The following KIRREL2 variants were observed in gnomAD, a reference collection of about 807,000 sequenced individuals.
KIRREL2 encodes the protein kin of IRRE-like protein 2.
A neutral mutation model predicts 73.4 loss-of-function variants in KIRREL2; 56 were observed. The ratio of observed to expected loss-of-function variants is 0.76; its 90% confidence interval spans 0.62 to 0.95. The LOEUF (loss-of-function observed/expected upper bound fraction) is 0.95. KIRREL2 is among the 40% of genes least tolerant of loss of function. The pLI, the probability that KIRREL2 is intolerant of heterozygous loss-of-function variation, is 0.00. For synonymous variants in KIRREL2, 407 were observed against 404.0 expected (o/e 1.01, Z -0.09); for missense variants, 896 against 935.0 (o/e 0.96, Z 0.54).
upstream of KIRREL2, among the ~76,000 whole-genome samples, chr19:35,855,708 T>C (rs11667188): frequency 0.1 from 5,119 of 48,832 alleles, 309 homozygotes; most frequent in East Asian, 0.25. Flanking sequence ...CACACACACA[T>C]ACACACAGGA....
chr19:35,861,463 C>T (rs963286998), intron 9 of KIRREL2, 78 bp from the exon 10 acceptor site: 1 of 1,509,958 alleles, frequency 6.6e-7, no homozygotes, highest in Non-Finnish European at 9.1e-7. Context: ...GGAGAGTGCG[C>T]TGGACAGACC....
intron 4 of KIRREL2, 34 bp downstream of exon 4, chr19:35,858,898 A>T: frequency 1.2e-6 from 2 of 1,610,676 alleles, no homozygotes; most frequent in Non-Finnish European, 1.7e-6. Context: ...GCCTTTGCCC[A>T]TTGAGGGAAA....
In KIRREL2 at chr19:35,862,440, C is replaced by G. The variant is rs534667581; in HGVS notation, c.1511-53C>G. On this transcript the variant is annotated intron_variant, in intron 11 of 14. Transcript: ENST00000360202. ...ATCCCAAACTCAATCCCTGAGCCCCCGCTTCCTGGTTCCCCCTCAGCCTTC... is the reference window on the plus strand; with the variant it reads ...ATCCCAAACTCAATCCCTGAGCCCCGGCTTCCTGGTTCCCCCTCAGCCTTC... 4 of 1,347,336 alleles carry G rather than the reference C, an allele frequency of 3.0e-6. No individual in the cohort carries two copies. In the East Asian group the frequency reaches 9.2e-5, roughly 31 times the overall value. 83.5% of individuals were successfully genotyped at this position (1,347,336 alleles called of 1,614,324 possible).
At chr19:35,852,051 C>A (rs1037095656), upstream of KIRREL2, among the ~76,000 whole-genome samples, 6 of 151,550 alleles carry the variant, frequency 4.0e-5, no homozygotes, top group Non-Finnish European at 8.8e-5. Flanking sequence ...GAGTCTCTTT[C>A]TCTGTCTCTT....
At chr19:35,862,223 C>G (rs1290277382) in intron 11 of KIRREL2, among the ~76,000 whole-genome samples, 199 bp downstream of exon 11, 1 of 152,186 alleles carries the variant, frequency 6.6e-6, no homozygotes, top group Non-Finnish European at 1.5e-5. Context: ...GAATCCTAAA[C>G]TGAGAGACTC....
At chr19:35,864,147 C>T (rs1465412016) in intron 13 of KIRREL2, among the ~76,000 whole-genome samples, 2 of 151,924 alleles carry the variant, frequency 1.3e-5, no homozygotes, top group African/African-American at 2.4e-5. Context: ...CAATTATTCC[C>T]TAGGCCCAGT....
At chr19:35,852,548 G>A (rs1599849934), upstream of KIRREL2, among the ~76,000 whole-genome samples, 1 of 151,516 alleles carries the variant, frequency 6.6e-6, no homozygotes, top group East Asian at 1.9e-4. Context: ...CCCCAGCTCT[G>A]GCCTCTGCCC....
chr19:35,851,605 C>A (rs145683325), upstream of KIRREL2: 457 of 1,613,880 alleles, frequency 2.8e-4, no homozygotes, highest in Non-Finnish European at 3.8e-4. Context: ...CCTCCACCAC[C>A]GTCAGGTTTT....
At chr19:35,852,647 G>C (rs57002105), upstream of KIRREL2, among the ~76,000 whole-genome samples, 1 of 152,094 alleles carries the variant, frequency 6.6e-6, no homozygotes, top group African/African-American at 2.4e-5. Flanking sequence ...CCCAGCCTCC[G>C]TGACCCCAGG....
rs73928338 is a variant in KIRREL2 at position 35,861,004 on chromosome 19, C to A, written c.1024C>A (p.Arg342=). The change falls in exon 8 of 15, where the codon CGG becomes AGG. Residue 342 remains arginine (R), a synonymous_variant. Coordinates refer to ENST00000360202, the MANE Select transcript of KIRREL2 (RefSeq NM_199180.4). The part of the protein sequence containing the change: ...SCAWRGNPLP[R]VTWTRRGGAQ... Reference sequence around the variant, plus strand: ...CGCCTGGCGCGGGAACCCGCTTCCACGGGTAACCTGGACCCGCCGCGGTGG... The same window carrying A: ...CGCCTGGCGCGGGAACCCGCTTCCAAGGGTAACCTGGACCCGCCGCGGTGG... The A allele has an allele frequency of 1.2e-3, 1,876 of 1,612,292 alleles. 19 individuals carry two copies. In the African/African-American group the frequency reaches 0.022, roughly 19 times the overall value.
chr19:35,859,332 C>CT (rs2146856129), intron 4 of KIRREL2, 149 bp from the exon 5 acceptor site: 3 of 701,812 alleles, frequency 4.3e-6, no homozygotes, highest in South Asian at 4.5e-5. Flanking sequence ...CATTATGAGA[C>CT]TTTTTTGTAA....
chr19:35,853,837 ATTTTTTTTTTT>A (rs759219505), upstream of KIRREL2, among the ~76,000 whole-genome samples: 2 of 69,430 alleles, frequency 2.9e-5, no homozygotes, highest in Non-Finnish European at 5.3e-5. Context: ...CACTCTGGCT[ATTTTTTTTTTT>A]TTTTTTTTTT....
upstream of KIRREL2, among the ~76,000 whole-genome samples, chr19:35,854,065 G>A (rs112417239): frequency 0.088 from 13,362 of 152,028 alleles, 1,146 homozygotes; most frequent in African/African-American, 0.23. Context: ...GGCAGGTCTC[G>A]AACTCCTGAC....
Position 35,859,694 on chromosome 19 carries a change from A to G in KIRREL2, c.673+63A>G, listed in dbSNP as rs1234223856. The G allele has an allele frequency of 3.2e-6, 5 of 1,581,096 alleles. No individual in the cohort carries two copies. In the African/African-American group the frequency reaches 6.8e-5, roughly 21 times the overall value. On this transcript the variant is annotated intron_variant, in intron 5 of 14. Coordinates refer to ENST00000360202, the MANE Select transcript of KIRREL2 (RefSeq NM_199180.4). ...CCCTGACTCCTGGGTATGAGGAAGG[A>G]GGGGACTGTGGCCCTTGGGGAATGA...
rs183410854 is a variant in KIRREL2, at chr19:35,866,082, G to T, written c.1792-75G>T. 9 of 1,410,588 alleles carry T rather than the reference G, an allele frequency of 6.4e-6. No individual in the cohort carries two copies. The African/African-American group carries it at 1.2e-4, about 18-fold the overall frequency. 87.4% of individuals were successfully genotyped at this position (1,410,588 alleles called of 1,614,324 possible). ...CTCTCTCAAGGTCTGGTCTATTTCA[G>T]TGTGTCTCTCCATCAGTGACCCTCA... On this transcript the variant is annotated intron_variant, in intron 14 of 14. Coordinates refer to ENST00000360202, the MANE Select transcript of KIRREL2 (RefSeq NM_199180.4).
chr19:35,861,789 T>A lies in KIRREL2; in HGVS notation c.1291-16T>A. 1 of 1,588,014 alleles carries A rather than the reference T, an allele frequency of 6.3e-7. No homozygotes were observed. The highest frequency in any genetic ancestry group is 1.8e-5 in the Admixed American group (1 of 54,890). ...TCCTCAGTCTCCTCCGTGTCCTCCC[T>A]CTTTTGTGCCCCCAGGTCTGGTCTT... On this transcript the variant is annotated splice_polypyrimidine_tract_variant and intron_variant, in intron 10 of 14. Transcript: ENST00000360202.
Position 35,866,152 on chromosome 19 carries a change from C to T in KIRREL2, c.1792-5C>T, listed in dbSNP as rs752852653. Reference sequence around the variant, plus strand: ...GACTTTACTGAGTCCCATTTGTCCCCTCAGGACCCAACCAACGGTTACTAC... The same window carrying T: ...GACTTTACTGAGTCCCATTTGTCCCTTCAGGACCCAACCAACGGTTACTAC... On this transcript the variant is annotated splice_polypyrimidine_tract_variant and splice_region_variant and intron_variant, in intron 14 of 14. Coordinates refer to ENST00000360202, the MANE Select transcript of KIRREL2 (RefSeq NM_199180.4). 5 of 1,604,746 alleles carry T rather than the reference C, an allele frequency of 3.1e-6. 1 individual carries two copies. In the South Asian group the frequency reaches 4.4e-5, roughly 14 times the overall value.
chr19:35,865,054 G>A (rs1453541000), intron 14 of KIRREL2, among the ~76,000 whole-genome samples: 4 of 151,954 alleles, frequency 2.6e-5, no homozygotes, highest in African/African-American at 9.7e-5. Context: ...TCCCCAGACT[G>A]GTTCTTCCTC....
intron 2 of KIRREL2, among the ~76,000 whole-genome samples, chr19:35,858,005 A>AG (rs1224402680): frequency 6.6e-6 from 1 of 151,564 alleles, no homozygotes; most frequent in East Asian, 1.9e-4. Flanking sequence ...AAAAAAAAAA[A>AG]AGAGAACATA....
Sources: gnomAD v4.1 joint callset for allele counts (sites outside exome capture counted in the v4.1 genomes callset) on GRCh38, gnomAD v4.1.1 for gene constraint, MANE v1.5 for transcripts, NCBI Gene and HGNC (gene_info 2026-07-23, HGNC 2026-07-21) for gene names.